ASCC2: variants seen among roughly 807,000 people sequenced by gnomAD.
ASCC2 encodes activating signal cointegrator 1 complex subunit 2.
ASCC2 carries 42 observed loss-of-function variants against 93.5 expected under a neutral mutation model. The ratio of observed to expected loss-of-function variants is 0.45; its 90% CI spans 0.35 to 0.58. The LOEUF (loss-of-function observed/expected upper bound fraction) is 0.58, where lower values mean the gene tolerates loss of function less well. Ranked by LOEUF, ASCC2 falls within the 20% of genes least tolerant of loss-of-function variation. The pLI, the probability that ASCC2 is intolerant of heterozygous loss-of-function variation, is 0.00. For missense variants in ASCC2, 859 were observed against 977.6 expected, an observed-to-expected ratio of 0.88 and a Z score of 1.62; for synonymous variants, 364 against 384.2, an observed-to-expected ratio of 0.95 and a Z score of 0.62.
intron 2 of ASCC2, among the ~76,000 whole-genome samples, chr22:29,831,464 T>C (rs1231165802): frequency 1.3e-5 from 2 of 152,214 alleles, no homozygotes; most frequent in Admixed American, 1.3e-4. Context: ...ACAGGGCAAG[T>C]ACTGTATAAA....
chr22:29,818,528 C>T (rs1200276313), intron 5 of ASCC2, among the ~76,000 whole-genome samples: 1 of 151,770 alleles, frequency 6.6e-6, no homozygotes, highest in Non-Finnish European at 1.5e-5. Flanking sequence ...GCTGACTCCC[C>T]TCTAGGAGCC....
Position 29,814,699 on chromosome 22 carries a change from A to C in ASCC2, c.678T>G (p.Leu226=), listed in dbSNP as rs2060638882. ...GDGANTTPQK[L]EERGRLTPSD... ...TGGGGGTCAATCGGCCCCTCTCCTC[A>C]AGCTTCTGGGGTGTGGTATTGGCCC... Residue 226 remains leucine (L), a synonymous_variant, in exon 7 of 20, where the codon CTT becomes CTG. Coordinates refer to ENST00000307790, the MANE Select transcript of ASCC2 (RefSeq NM_032204.5). 2 of 1,606,698 alleles carry C rather than the reference A, an allele frequency of 1.2e-6. No homozygotes were observed. The highest frequency in any genetic ancestry group is 2.2e-5 in the South Asian group (2 of 89,636).
At chr22:29,804,543 A>G in intron 13 of ASCC2, 95 bp downstream of exon 13, 1 of 1,486,944 alleles carries the variant, frequency 6.7e-7, no homozygotes, top group East Asian at 2.3e-5. Flanking sequence ...CCCTGAGTAT[A>G]AAAGCAAAGA....
chr22:29,832,462 C>T, intron 1 of ASCC2, 120 bp from the exon 2 acceptor site: 1 of 760,846 alleles, frequency 1.3e-6, no homozygotes, highest in Non-Finnish European at 2.1e-6. Flanking sequence ...TAGGAGGCTC[C>T]TGTTGTGGTT....
At chr22:29,832,448 G>A (rs541756439) in intron 1 of ASCC2, 106 bp from the exon 2 acceptor site, 20 of 827,354 alleles carry the variant, frequency 2.4e-5, no homozygotes, top group East Asian at 5.3e-5. Context: ...TCAACCTCTC[G>A]CCTTAGGAGG....
chr22:29,802,029 G>T lies in ASCC2; in HGVS notation c.1533C>A (p.Ala511=), dbSNP rs773964162. The T allele has an allele frequency of 6.8e-6, 11 of 1,608,844 alleles. No individual in the cohort carries two copies. In the South Asian group the frequency reaches 1.2e-4, roughly 18 times the overall value. ...VINNILEERL[A]PTLSQLDRNL... ...TGCGGTCCAGCTGGCTGAGGGTGGGGGCCAGCCGCTCCTCCAGGATATTGT... is the reference window on the plus strand; with the variant it reads ...TGCGGTCCAGCTGGCTGAGGGTGGGTGCCAGCCGCTCCTCCAGGATATTGT... Residue 511 remains alanine, a synonymous_variant, in exon 14 of 20, where the codon GCC becomes GCA. Transcript: ENST00000307790.
At chr22:29,827,588 T>TA in intron 2 of ASCC2, 2 of 471,048 alleles carry the variant, frequency 4.2e-6, no homozygotes, top group Non-Finnish European at 8.8e-6. Context: ...ATCATGGAGT[T>TA]ACAGGTACAA....
chr22:29,797,201 A>G lies in ASCC2; in HGVS notation c.1689-3525T>C, dbSNP rs6006261. ...TGGAAACACAGGCAATGGTGGCTGCAGAGACCCTCTGGAGCAGGTAGCTTC... is the reference window on the plus strand; with the variant it reads ...TGGAAACACAGGCAATGGTGGCTGCGGAGACCCTCTGGAGCAGGTAGCTTC... On this transcript the variant is annotated intron_variant, in intron 15 of 19. Transcript: ENST00000307790. Among the ~76,000 whole-genome samples the G allele has an allele frequency of 1.0e-3, 155 of 152,372 alleles. 2 individuals are homozygous for G. The highest frequency in any genetic ancestry group is 3.7e-3 in the African/African-American group (152 of 41,586).
chr22:29,837,640 C>G (rs937727605), intron 1 of ASCC2, among the ~76,000 whole-genome samples: 1 of 152,188 alleles, frequency 6.6e-6, no homozygotes, highest in East Asian at 1.9e-4. Flanking sequence ...GCTCCCTCAG[C>G]CTCTTTGTCA....
chr22:29,824,251 TACACACACACAC>T lies in ASCC2; in HGVS notation c.411+824_411+835del, dbSNP rs60849755. On this transcript the variant is annotated intron_variant, in intron 4 of 19. Coordinates refer to ENST00000307790, the MANE Select transcript of ASCC2 (RefSeq NM_032204.5). The stretch of plus-strand genomic sequence containing the variant: ...TTTTAAAAAGATCCTATTTTTTAAA[TACACACACACAC>T]ACACACACACACACACACACACACA... Among the ~76,000 whole-genome samples, 71 of 146,566 alleles carry T rather than the reference TACACACACACAC, an allele frequency of 4.8e-4. 1 individual carries two copies. The highest frequency in any genetic ancestry group is 8.2e-4 in the Non-Finnish European group (55 of 66,888).
chr22:29,808,809 CAAA>C (rs564026837), intron 8 of ASCC2, among the ~76,000 whole-genome samples: 16 of 104,554 alleles, frequency 1.5e-4, no homozygotes, highest in East Asian at 2.5e-4. Context: ...GACCCTATCT[CAAA>C]AAAAAAAAAA....
chr22:29,813,533 C>A lies in ASCC2; in HGVS notation c.730G>T (p.Asp244Tyr). The A allele has an allele frequency of 1.2e-6, 2 of 1,607,482 alleles. No individual in the cohort carries two copies. Among genetic ancestry groups the A allele is most frequent in the Non-Finnish European group, 1.7e-6 (2 of 1,174,048 alleles). The change falls in exon 8 of 20, where the codon GAC becomes TAC. Residue 244 changes from aspartate to tyrosine, a missense_variant. Physicochemically the swap from Asp to Tyr is radical, Grantham distance 160. Transcript: ENST00000307790. ...GTATCACAAAGGTAGAGAACAATGT[C>A]CTTTAATTCCTGTTGCCAAAAGAAT... is the stretch of plus-strand genomic sequence containing the variant. Reference protein sequence around the residue: ...PSDMPLLELKDIVLYLCDTCT... With the variant: ...PSDMPLLELKYIVLYLCDTCT...
Position 29,788,911 on chromosome 22 carries a change from G to C in ASCC2, c.*102C>G. The C allele has an allele frequency of 7.0e-7, 1 of 1,433,164 alleles. No homozygotes were observed. Among genetic ancestry groups the C allele is most frequent in the South Asian group, 1.2e-5 (1 of 80,454 alleles). 88.8% of individuals were successfully genotyped at this position (1,433,164 alleles called of 1,614,324 possible). A position where few individuals can be genotyped will look rare whatever the true frequency, so the allele number is the denominator to read the frequency against. Reference sequence around the variant, plus strand: ...GCTGCAAAGCTGAGGCTGTTGAGGGGTTGAGTTGAACTTGGGGCCCCTAGT... The same window carrying C: ...GCTGCAAAGCTGAGGCTGTTGAGGGCTTGAGTTGAACTTGGGGCCCCTAGT... On this transcript the variant is annotated 3_prime_UTR_variant, in exon 20 of 20. Transcript: ENST00000307790.
Position 29,825,830 on chromosome 22 carries a change from G to A in ASCC2, c.82-50C>T. ...AACGTGGCAGAGGTTAGTCAGCGAG[G>A]GCCCATTTGCCAACCCACAGCAATG... On this transcript the variant is annotated intron_variant, in intron 2 of 19. Transcript: ENST00000307790. The surrounding 1 kb of genome is among the most constrained non-coding windows in gnomAD (Gnocchi z 4.9). The A allele has an allele frequency of 6.4e-7, 1 of 1,558,286 alleles. No individual in the cohort carries two copies. Among genetic ancestry groups the A allele is most frequent in the Non-Finnish European group, 8.7e-7 (1 of 1,150,044 alleles).
chr22:29,825,863 T>C lies in ASCC2; in HGVS notation c.82-83A>G. 1 of 1,492,316 alleles carries C rather than the reference T, an allele frequency of 6.7e-7. No individual in the cohort carries two copies. The highest frequency in any genetic ancestry group is 1.4e-5 in the African/African-American group (1 of 71,578). 92.4% of individuals were successfully genotyped at this position (1,492,316 alleles called of 1,614,324 possible). ...TGCCAACCCACAGCAATGACAACACTTGGCTGTTCCAACCGGTGACCCTCC... is the reference window on the plus strand; with the variant it reads ...TGCCAACCCACAGCAATGACAACACCTGGCTGTTCCAACCGGTGACCCTCC... On this transcript the variant is annotated intron_variant, in intron 2 of 19. Transcript: ENST00000307790. The surrounding 1 kb of genome is among the most constrained non-coding windows in gnomAD (Gnocchi z 4.9).
intron 1 of ASCC2, 28 bp from the exon 2 acceptor site, chr22:29,832,370 G>C (rs374886228): frequency 4.6e-5 from 72 of 1,554,346 alleles, no homozygotes; most frequent in Middle Eastern, 1.7e-4. Context: ...GGGAAGAAGA[G>C]AGCAGACACA....
At chr22:29,832,157 G>C in intron 2 of ASCC2, 88 bp downstream of exon 2, 1 of 1,165,562 alleles carries the variant, frequency 8.6e-7, no homozygotes, top group Non-Finnish European at 1.2e-6. Flanking sequence ...TGTCATTCTT[G>C]GAACAGATAA....
rs184726071 is a variant in ASCC2 at position 29,832,746 on chromosome 22, C to T, written c.-17-404G>A. Among the ~76,000 whole-genome samples, 816 of 151,602 alleles carry T rather than the reference C, an allele frequency of 5.4e-3. 4 individuals carry two copies. The highest frequency in any genetic ancestry group is 0.019 in the African/African-American group (770 of 41,292). ...GACTGCAAGCACACACCACCATGCCCAGCTTTTTTTTTTTTTAAAGAGACA... is the reference window on the plus strand; with the variant it reads ...GACTGCAAGCACACACCACCATGCCTAGCTTTTTTTTTTTTTAAAGAGACA... On this transcript the variant is annotated intron_variant, in intron 1 of 19. Transcript: ENST00000307790.
rs745756911 is a variant in ASCC2, at chr22:29,804,650, C to T, written c.1341G>A (p.Ser447=). ...VSQASSHPEN[S]EEEECMGAAA... ...CTCAGACACATACCTCCTCTTCCTC[C>T]GAGTTCTCCGGATGTGATGATGCTT... The change falls in exon 13 of 20, where the codon TCG becomes TCA. Residue 447 remains serine (S), a synonymous_variant. Coordinates refer to ENST00000307790, the MANE Select transcript of ASCC2 (RefSeq NM_032204.5). 4.3e-6 allele frequency: 7 copies of T among 1,613,870 alleles called. No homozygotes were observed. The highest frequency in any genetic ancestry group is 4.5e-5 in the East Asian group (2 of 44,876).
Sources: gnomAD v4.1 joint callset for allele counts (sites outside exome capture counted in the v4.1 genomes callset) on GRCh38, gnomAD v4.1.1 for gene constraint, Gnocchi (gnomAD v3.1) non-coding constraint, MANE v1.5 for transcripts, NCBI Gene and HGNC (gene_info 2026-07-23, HGNC 2026-07-21) for gene names.